Variants in SLC14A2 observed in about 807,000 individuals in gnomAD.
The protein encoded by SLC14A2 is solute carrier family 14 member 2.
SLC14A2 carries 91 observed loss-of-function variants against 104.6 expected under a neutral mutation model. The observed-to-expected ratio is 0.87, with a 90% CI of 0.73 to 1.04. The LOEUF (loss-of-function observed/expected upper bound fraction) is 1.04, where lower values mean the gene tolerates loss of function less well. SLC14A2 is among the 50% of genes least tolerant of loss of function. The pLI is 0.00. For synonymous variants in SLC14A2, 476 were observed against 466.4 expected (o/e 1.02, Z -0.27); for missense variants, 1,189 against 1,156.0 (o/e 1.03, Z -0.41).
chr18:45,469,155 T>C (rs1233343352), intron 1 of SLC14A2, among the ~76,000 whole-genome samples: 3 of 152,100 alleles, frequency 2.0e-5, no homozygotes, highest in African/African-American at 7.2e-5. Flanking sequence ...AGGATGGCCA[T>C]AGAGATGGTA....
chr18:45,610,410 G>A (rs552469251), intron 2 of SLC14A2, among the ~76,000 whole-genome samples: 7 of 152,250 alleles, frequency 4.6e-5, no homozygotes, highest in East Asian at 1.9e-4. Flanking sequence ...TCCAGTGCCC[G>A]GGTTACACCA....
At chr18:45,375,670 T>A (rs2085766444) in intron 1 of SLC14A2, among the ~76,000 whole-genome samples, 1 of 152,242 alleles carries the variant, frequency 6.6e-6, no homozygotes, top group Non-Finnish European at 1.5e-5. Context: ...CAGCTCTGTC[T>A]AAGCAGCCGG....
intron 10 of SLC14A2, among the ~76,000 whole-genome samples, chr18:45,648,695 G>A (rs1160486292): frequency 6.6e-6 from 1 of 151,894 alleles, no homozygotes; most frequent in African/African-American, 2.4e-5. Context: ...TAATCTCAGT[G>A]TTTCTGTAAT....
chr18:45,606,996 G>A lies in SLC14A2; in HGVS notation c.-34-17635G>A, dbSNP rs1373915148. 5.9e-5 allele frequency among the ~76,000 whole-genome samples: 9 copies of A among 152,176 alleles called. No homozygotes were observed. In the East Asian group the frequency reaches 1.7e-3, roughly 29 times the overall value. ...CCTCAAGGCTACAGACATTGCAAAT[G>A]AGAGGTTCTTGCTAAGGATAGACAA... On this transcript the variant is annotated intron_variant, in intron 2 of 20. Coordinates refer to the SLC14A2 transcript ENST00000586448.
At chr18:45,356,885 G>A (rs1469798700) in intron 1 of SLC14A2, among the ~76,000 whole-genome samples, 5 of 152,196 alleles carry the variant, frequency 3.3e-5, no homozygotes, top group African/African-American at 1.2e-4. Flanking sequence ...GATACAAGAA[G>A]CCATCAGCCC....
chr18:45,286,375 A>G (rs1054066506), intron 1 of SLC14A2, among the ~76,000 whole-genome samples: 1 of 152,198 alleles, frequency 6.6e-6, no homozygotes, highest in African/African-American at 2.4e-5. Context: ...TTTACGTCCC[A>G]GGTCTGCACA....
chr18:45,414,166 T>C (rs2086244153), intron 1 of SLC14A2, among the ~76,000 whole-genome samples: 1 of 152,178 alleles, frequency 6.6e-6, no homozygotes, highest in South Asian at 2.1e-4. Context: ...TCTGATTTAT[T>C]ATCATATGGG....
chr18:45,557,619 C>T (rs139788041), intron 2 of SLC14A2, among the ~76,000 whole-genome samples: 27 of 152,286 alleles, frequency 1.8e-4, no homozygotes, highest in African/African-American at 3.6e-4. Flanking sequence ...AGTTGGATGA[C>T]GGCCATGAGA....
chr18:45,209,917 A>G (rs1175079649), upstream of SLC14A2, among the ~76,000 whole-genome samples: 2 of 152,244 alleles, frequency 1.3e-5, no homozygotes, highest in East Asian at 3.8e-4. Context: ...GTCAAGCTTT[A>G]GAATTTTCCT....
upstream of SLC14A2, among the ~76,000 whole-genome samples, chr18:45,611,764 G>A (rs1424809630): frequency 6.6e-6 from 1 of 152,154 alleles, no homozygotes; most frequent in East Asian, 1.9e-4. Flanking sequence ...CTCACTGTGT[G>A]GCCCATGAAG....
intron 1 of SLC14A2, among the ~76,000 whole-genome samples, chr18:45,227,457 C>T (rs2084130972): frequency 6.6e-6 from 1 of 152,180 alleles, no homozygotes; most frequent in Non-Finnish European, 1.5e-5. Context: ...GATCAAGGCA[C>T]CAGCATTTGG....
chr18:45,398,584 G>C (rs1859901380), intron 1 of SLC14A2, among the ~76,000 whole-genome samples: 2 of 101,768 alleles, frequency 2.0e-5, no homozygotes, highest in Non-Finnish European at 4.7e-5. Context: ...ACAAATTGTG[G>C]TTATATACAT....
In SLC14A2 at chr18:45,578,065, A is replaced by G. The variant is rs528055436; in HGVS notation, c.-34-46566A>G. 9.2e-5 allele frequency among the ~76,000 whole-genome samples: 14 copies of G among 152,248 alleles called. No individual in the cohort carries two copies. The South Asian group carries it at 2.9e-3, about 32-fold the overall frequency. On this transcript the variant is annotated intron_variant, in intron 2 of 20. Transcript: ENST00000586448. ...GCCATATTTCCTGGTCTGTCCCACAAACAAAATGTGTACCCCCTTCCCCTA... is the reference window on the plus strand; with the variant it reads ...GCCATATTTCCTGGTCTGTCCCACAGACAAAATGTGTACCCCCTTCCCCTA...
intron 1 of SLC14A2, among the ~76,000 whole-genome samples, chr18:45,249,296 T>TA (rs908536986): frequency 5.9e-5 from 9 of 151,602 alleles, no homozygotes; most frequent in South Asian, 2.1e-4. Flanking sequence ...TTTTTTTTTT[T>TA]ATCTGCCCTG....
intron 1 of SLC14A2, among the ~76,000 whole-genome samples, chr18:45,214,734 G>A (rs2083992547): frequency 6.6e-6 from 1 of 151,862 alleles, no homozygotes; most frequent in Non-Finnish European, 1.5e-5. Context: ...CACTTTTCCA[G>A]TATTATGTTT....
intron 2 of SLC14A2, chr18:45,493,273 G>A (rs889170787): frequency 3.9e-5 from 6 of 152,144 alleles, no homozygotes; most frequent in African/African-American, 1.4e-4. Flanking sequence ...CTTTCTGCAA[G>A]TAAAAACATA....
intron 1 of SLC14A2, among the ~76,000 whole-genome samples, chr18:45,321,768 G>A (rs1199435669): frequency 6.6e-6 from 1 of 152,210 alleles, no homozygotes; most frequent in Non-Finnish European, 1.5e-5. Context: ...CCTGTACCGA[G>A]CAGTCATCCA....
chr18:45,558,949 C>A (rs1395549605), intron 2 of SLC14A2, among the ~76,000 whole-genome samples: 2 of 152,138 alleles, frequency 1.3e-5, no homozygotes, highest in African/African-American at 4.8e-5. Flanking sequence ...CACCACCACA[C>A]CTGGCTAATT....
At chr18:45,266,009 A>G (rs2084588914) in intron 1 of SLC14A2, among the ~76,000 whole-genome samples, 1 of 152,172 alleles carries the variant, frequency 6.6e-6, no homozygotes. Context: ...CATAAAATTG[A>G]TTAACAACAA....
Sources: allele counts gnomAD v4.1 joint callset (sites outside exome capture counted in the v4.1 genomes callset), GRCh38; gene constraint gnomAD v4.1.1; transcripts MANE v1.5; gene names NCBI Gene and HGNC (gene_info 2026-07-23, HGNC 2026-07-21).